The following TRPV1 variants were observed in gnomAD, a reference collection of about 807,000 sequenced individuals.
The protein encoded by TRPV1 is OTRPC1.
TRPV1 carries 82 observed loss-of-function variants against 82.3 expected under a neutral mutation model. The observed-to-expected ratio is 1.00, with a 90% CI of 0.83 to 1.20. The LOEUF is 1.20. TRPV1 is among the 50% of genes most tolerant of loss of function. The probability of loss-of-function intolerance (pLI) is 0.00; values close to 1 mark genes in which losing one functional copy is unlikely to be tolerated. For missense variants in TRPV1, 1,067 were observed against 1,096.8 expected (o/e 0.97, Z 0.38); for synonymous variants, 515 against 467.7 (o/e 1.10, Z -1.30).
chr17:3,587,769 C>T (rs2075102201), intron 8 of TRPV1, among the ~76,000 whole-genome samples: 3 of 150,638 alleles, frequency 2.0e-5, no homozygotes, highest in Middle Eastern at 3.4e-3. Flanking sequence ...GCCGGGATGG[C>T]ACCATTTCAC....
chr17:3,597,185 C>G (rs1022735424), intron 2 of TRPV1: 1 of 154,542 alleles, frequency 6.5e-6, no homozygotes, highest in African/African-American at 2.4e-5. Context: ...CTTTTCCCAT[C>G]ATTTTTGCCC....
Position 3,571,578 on chromosome 17 carries a change from C to A in TRPV1, c.2293G>T (p.Gly765Cys), listed in dbSNP as rs1383560593. 1 of 1,612,712 alleles carries A rather than the reference C, an allele frequency of 6.2e-7. No homozygotes were observed. The change falls in exon 16 of 17, where the codon GGC becomes TGC. Residue 765 changes from glycine to cysteine, a missense_variant. Transcript: ENST00000572705. The part of the protein sequence containing the change: ...TNVGIINEDP[G>C]NCEGVKRTLS... Reference sequence around the variant, plus strand: ...GTGCGCTTGACGCCCTCACAGTTGCCCGGGTCTTCGTTGATGATGCCCACG... The same window carrying A: ...GTGCGCTTGACGCCCTCACAGTTGCACGGGTCTTCGTTGATGATGCCCACG...
In TRPV1 at chr17:3,601,534, G is replaced by A. The variant is rs118035663; in HGVS notation, c.-34+6893C>T. On this transcript the variant is annotated intron_variant, in intron 2 of 16. Transcript: ENST00000572705. ...CCCCACTTAACCCATCTTCAAGTGC[G>A]AGGTGAGCCCTAGGGATGCTCAAAT... 8.6e-4 allele frequency among the ~76,000 whole-genome samples: 130 copies of A among 151,618 alleles called. 1 individual carries two copies. In the East Asian group the frequency reaches 0.022, roughly 26 times the overall value.
rs1330152504 is a variant in TRPV1, at chr17:3,572,041, G to C, written c.2231+81C>G. Reference sequence around the variant, plus strand: ...CCTGTGCTCATGACCAGCCCCTCATGGAGGCCCTGAGGCAGGCTCTGTGTC... The same window carrying C: ...CCTGTGCTCATGACCAGCCCCTCATCGAGGCCCTGAGGCAGGCTCTGTGTC... On this transcript the variant is annotated intron_variant, in intron 15 of 16. Coordinates refer to ENST00000572705, the MANE Select transcript of TRPV1 (RefSeq NM_080704.4). The C allele has an allele frequency of 6.5e-6, 10 of 1,541,090 alleles. No individual in the cohort carries two copies. The African/African-American group carries it at 1.2e-4, about 19-fold the overall frequency.
rs565334967 is a variant in TRPV1 at position 3,567,123 on chromosome 17, C to T, written c.2348-136G>A. On this transcript the variant is annotated intron_variant, in intron 16 of 16. Transcript: ENST00000572705. ...CTGTAATCCCAGCACTTTGGGAGGC[C>T]GAGGCAGGTGGATCACCTGAGGTCA... 97 of 966,210 alleles carry T rather than the reference C, an allele frequency of 1.0e-4. No homozygotes were observed. In the African/African-American group the frequency reaches 1.3e-3, roughly 13 times the overall value. The allele number at this position is 966,210 out of a possible 1,614,324, so 59.9% of individuals were successfully genotyped here. A position where few individuals can be genotyped will look rare whatever the true frequency, so the allele number is the denominator to read the frequency against.
chr17:3,580,376 C>A (rs756033220), intron 11 of TRPV1, 81 bp downstream of exon 11: 1 of 1,443,538 alleles, frequency 6.9e-7, no homozygotes, highest in Non-Finnish European at 9.8e-7. Context: ...TGTGCCAGGC[C>A]CGGCGTGAGT....
intron 2 of TRPV1, among the ~76,000 whole-genome samples, chr17:3,605,087 C>G (rs2150861003): frequency 6.6e-6 from 1 of 152,184 alleles, no homozygotes; most frequent in East Asian, 1.9e-4. Flanking sequence ...ACCCCACTGC[C>G]TAGTTGCTAA....
intron 2 of TRPV1, among the ~76,000 whole-genome samples, chr17:3,607,536 CA>C (rs2075303873): frequency 2.2e-5 from 2 of 89,602 alleles, no homozygotes; most frequent in African/African-American, 5.3e-5. Context: ...TAAAGTAGAA[CA>C]ATTTTTTTTT....
intron 10 of TRPV1, among the ~76,000 whole-genome samples, chr17:3,581,657 C>A (rs56979925): frequency 8.7e-4 from 122 of 140,774 alleles, no homozygotes; most frequent in African/African-American, 2.9e-3. Flanking sequence ...GAGGCCGAGG[C>A]GGGCGGATCA....
intron 14 of TRPV1, among the ~76,000 whole-genome samples, chr17:3,572,854 G>A (rs1409290539): frequency 4.6e-5 from 7 of 152,068 alleles, no homozygotes; most frequent in African/African-American, 9.7e-5. Context: ...GTGGTGGTGG[G>A]TGCCTGCAAT....
At chr17:3,580,022 GCCCCC>G (rs1407989371) in intron 11 of TRPV1, among the ~76,000 whole-genome samples, 1 of 122,498 alleles carries the variant, frequency 8.2e-6, no homozygotes, top group Non-Finnish European at 1.8e-5. Flanking sequence ...GCACAGGGCA[GCCCCC>G]GCCCCGCCCC....
chr17:3,600,764 C>T (rs995953744), intron 2 of TRPV1, among the ~76,000 whole-genome samples: 3 of 152,174 alleles, frequency 2.0e-5, no homozygotes, highest in Non-Finnish European at 2.9e-5. Flanking sequence ...CGGCCCTCCT[C>T]CTGCCCTGGC....
chr17:3,599,251 T>G (rs913454862), intron 2 of TRPV1, among the ~76,000 whole-genome samples: 26 of 151,860 alleles, frequency 1.7e-4, no homozygotes, highest in Non-Finnish European at 2.8e-4. Context: ...AAATATATAT[T>G]TATATATTAT....
At chr17:3,573,551 C>CCCCCCCCCCCCCCCCCCTG in intron 14 of TRPV1, 82 bp downstream of exon 14, 2 of 635,234 alleles carry the variant, frequency 3.1e-6, no homozygotes, top group Admixed American at 5.0e-5. Context: ...ACCCACCCAC[C>CCCCCCCCCCCCCCCCCCTG]TGCAGCCAGC....
chr17:3,577,987 T>C, intron 11 of TRPV1: 2 of 518,062 alleles, frequency 3.9e-6, no homozygotes, highest in South Asian at 2.4e-5. Flanking sequence ...TCTCACTCTT[T>C]ATGTATAAAG....
intron 2 of TRPV1, among the ~76,000 whole-genome samples, chr17:3,603,173 A>C (rs965332699): frequency 1.3e-5 from 2 of 152,012 alleles, no homozygotes; most frequent in African/African-American, 2.4e-5. Flanking sequence ...TCCTTCCTGC[A>C]TTTCGTCTCT....
chr17:3,582,006 C>A (rs12947520), intron 10 of TRPV1, among the ~76,000 whole-genome samples: 9 of 137,982 alleles, frequency 6.5e-5, no homozygotes, highest in East Asian at 4.8e-4. Context: ...CTGGCTAACA[C>A]GGTGAAACCC....
chr17:3,577,769 G>C lies in TRPV1; in HGVS notation c.1548-6C>G. On this transcript the variant is annotated splice_region_variant and splice_polypyrimidine_tract_variant and intron_variant, in intron 11 of 16. Coordinates refer to ENST00000572705, the MANE Select transcript of TRPV1 (RefSeq NM_080704.4). ...TGAACAGTGACTGCAGAAAGCTGCGGGTGGAGGGGCAGAAAGCTCCGTCTA... is the reference window on the plus strand; with the variant it reads ...TGAACAGTGACTGCAGAAAGCTGCGCGTGGAGGGGCAGAAAGCTCCGTCTA... 1 of 1,587,284 alleles carries C rather than the reference G, an allele frequency of 6.3e-7. No homozygotes were observed. Among genetic ancestry groups the C allele is most frequent in the Non-Finnish European group, 8.6e-7 (1 of 1,167,084 alleles).
rs575310896 is a variant in TRPV1 at position 3,598,538 on chromosome 17, C to G, written c.-33-6155G>C. ...GCCAGGCCCATCCCACCACGCCACA[C>G]CCCACCATACCCCTCGCTTAGTCAC... On this transcript the variant is annotated intron_variant, in intron 2 of 16. Transcript: ENST00000572705. 4.0e-5 allele frequency among the ~76,000 whole-genome samples: 6 copies of G among 151,842 alleles called. No homozygotes were observed. The East Asian group carries it at 9.7e-4, about 25-fold the overall frequency.
Sources: gnomAD v4.1 joint callset for allele counts (sites outside exome capture counted in the v4.1 genomes callset) on GRCh38, gnomAD v4.1.1 for gene constraint, MANE v1.5 for transcripts, NCBI Gene and HGNC (gene_info 2026-07-23, HGNC 2026-07-21) for gene names.